The following DMD variants were observed in gnomAD, a reference collection of about 807,000 sequenced individuals.
DMD encodes the protein mutant dystrophin.
DMD carries 63 observed loss-of-function variants against 330.1 expected under a neutral mutation model. That is an observed-to-expected ratio of 0.19 (90% CI 0.16 to 0.24). The LOEUF is 0.24. Among genes scored for constraint, DMD ranks in the 10% least tolerant of loss-of-function variants. The probability of loss-of-function intolerance (pLI) is 1.00; values close to 1 mark genes in which losing one functional copy is unlikely to be tolerated. For missense variants in DMD, 3,344 were observed against 2,684.1 expected (o/e 1.25, Z -5.43); for synonymous variants, 1,223 against 959.8 (o/e 1.27, Z -5.07).
intron 44 of DMD, among the ~76,000 whole-genome samples, chrX:31,985,248 C>T (rs2095501511): frequency 8.9e-6 from 1 of 112,074 alleles, no homozygotes; most frequent in African/African-American, 3.2e-5. Context: ...CTTTTCATAA[C>T]TGAGAGCCAG....
At position 32,699,249 on chromosome X, in the gene DMD, T is replaced by G. The variant is rs758447768; in HGVS notation, c.694A>C (p.Ile232Leu). The change falls in exon 8 of 79, where the codon ATC (isoleucine) becomes CTC (leucine). Residue 232 changes from isoleucine to leucine, a missense_variant. By Grantham distance (5) the Ile-to-Leu change is conservative (BLOSUM62 2). Coordinates refer to ENST00000357033, the MANE Select transcript of DMD (RefSeq NM_004006.3). ...YPDKKSILMY[I>L]TSLFQVLPQQ... ...GGCAAAACTTGGAAGAGTGATGTGATGTACATTAAGATGGACTTCTTATCT... is the reference window on the plus strand; with the variant it reads ...GGCAAAACTTGGAAGAGTGATGTGAGGTACATTAAGATGGACTTCTTATCT... 3 of 1,209,618 alleles carry G rather than the reference T, an allele frequency of 2.5e-6. No individual in the cohort carries two copies. The highest frequency in any genetic ancestry group is 3.4e-6 in the Non-Finnish European group (3 of 893,527).
At chrX:31,902,943 C>T (rs17341045) in intron 47 of DMD, among the ~76,000 whole-genome samples, 2,114 of 111,100 alleles carry the variant, frequency 0.019, 63 homozygotes, top group East Asian at 0.18. Flanking sequence ...AGCAACTCTG[C>T]GGCTAATACA....
chrX:32,851,322 C>T (rs1411437510), intron 2 of DMD, among the ~76,000 whole-genome samples: 2 of 112,036 alleles, frequency 1.8e-5, no homozygotes, highest in East Asian at 5.6e-4. Context: ...CTTTGTGAAT[C>T]CAGCCACATA....
At chrX:32,836,177 G>A (rs1011608864) in intron 4 of DMD, among the ~76,000 whole-genome samples, 10 of 103,267 alleles carry the variant, frequency 9.7e-5, no homozygotes, top group Non-Finnish European at 1.8e-4. Context: ...AATTACAGGC[G>A]CCAGCCACCA....
At chrX:31,943,268 G>C (rs775774421) in intron 45 of DMD, among the ~76,000 whole-genome samples, 1 of 112,078 alleles carries the variant, frequency 8.9e-6, no homozygotes, top group Admixed American at 9.5e-5. Flanking sequence ...TTAAAGATAC[G>C]AGAGTTCTGA....
intron 50 of DMD, among the ~76,000 whole-genome samples, chrX:31,815,730 C>A (rs763062480): frequency 1.3e-3 from 148 of 111,666 alleles, no homozygotes; most frequent in African/African-American, 4.7e-3. Flanking sequence ...CCTCCTTTCA[C>A]GAGATGAAGT....
At chrX:31,691,168 G>C (rs1379759887) in intron 52 of DMD, among the ~76,000 whole-genome samples, 4 of 110,870 alleles carry the variant, frequency 3.6e-5, no homozygotes, top group African/African-American at 1.3e-4. Context: ...TGGGAGGAGG[G>C]AGAGTCAAAG....
chrX:32,656,655 G>A (rs188281585), intron 9 of DMD, among the ~76,000 whole-genome samples: 1 of 111,527 alleles, frequency 9.0e-6, no homozygotes, highest in Non-Finnish European at 1.9e-5. Flanking sequence ...CTCAATGAAG[G>A]TTCCAGTCAT....
chrX:31,571,934 G>A (rs1251277106), intron 55 of DMD, among the ~76,000 whole-genome samples: 2 of 111,294 alleles, frequency 1.8e-5, no homozygotes, highest in Non-Finnish European at 3.8e-5. Context: ...GAAACCTTTA[G>A]GTGGCCAAGA....
At chrX:32,035,775 G>A (rs2095938721) in intron 44 of DMD, among the ~76,000 whole-genome samples, 2 of 111,313 alleles carry the variant, frequency 1.8e-5, no homozygotes, top group South Asian at 3.8e-4. Context: ...AGATAAAGTA[G>A]GAATGGGAGA....
chrX:31,764,020 C>A (rs1194079828), intron 51 of DMD, among the ~76,000 whole-genome samples: 1 of 110,768 alleles, frequency 9.0e-6, no homozygotes, highest in Admixed American at 9.7e-5. Context: ...AGGCTACAAG[C>A]CCACACCATC....
intron 55 of DMD, among the ~76,000 whole-genome samples, chrX:31,510,064 T>C (rs2071338720): frequency 8.9e-6 from 1 of 112,223 alleles, no homozygotes; most frequent in Non-Finnish European, 1.9e-5. Context: ...TAGGTCATGA[T>C]GGTGATACAG....
At chrX:32,777,906 C>T (rs919034278) in intron 7 of DMD, among the ~76,000 whole-genome samples, 2 of 112,259 alleles carry the variant, frequency 1.8e-5, no homozygotes, top group Non-Finnish European at 3.8e-5. Flanking sequence ...AGTGTGCGCA[C>T]GTCCATGTGT....
At chrX:31,266,816 A>G in intron 62 of DMD, 1 of 1,204,602 alleles carries the variant, frequency 8.3e-7, no homozygotes, top group Non-Finnish European at 1.1e-6. Context: ...TTACCCTTTG[A>G]GCTGTTCCCT....
intron 62 of DMD, among the ~76,000 whole-genome samples, chrX:31,292,889 A>C (rs2053809738): frequency 9.0e-6 from 1 of 111,087 alleles, no homozygotes; most frequent in African/African-American, 3.3e-5. Flanking sequence ...AGTTCAAATA[A>C]ACAGGCAAAA....
intron 34 of DMD, among the ~76,000 whole-genome samples, chrX:32,366,731 C>A: frequency 8.9e-6 from 1 of 112,015 alleles, no homozygotes; most frequent in Middle Eastern, 4.6e-3. Context: ...CACTCGAAAT[C>A]ACTTCTCATA....
At chrX:31,451,988 A>C (rs1036030483) in intron 59 of DMD, among the ~76,000 whole-genome samples, 1 of 110,413 alleles carries the variant, frequency 9.1e-6, no homozygotes, top group Non-Finnish European at 1.9e-5. Context: ...GGGCATGATC[A>C]CTTTTGACGA....
rs7876639 is a variant in DMD at position 32,552,586 on chromosome X, C to T, written c.1993-7252G>A. 2.3e-3 allele frequency among the ~76,000 whole-genome samples: 253 copies of T among 111,783 alleles called. 2 individuals carry two copies. Among genetic ancestry groups the T allele is most frequent in the African/African-American group, 8.1e-3 (248 of 30,798 alleles). ...AATTGAAAACTGGGACCTAATTAAA[C>T]TAAAGAACTTCTACACAACAAAAGA... On this transcript the variant is annotated intron_variant, in intron 16 of 78. Transcript: ENST00000357033.
At chrX:32,788,897 A>G (rs965743734) in intron 7 of DMD, among the ~76,000 whole-genome samples, 12 of 112,021 alleles carry the variant, frequency 1.1e-4, no homozygotes, top group Non-Finnish European at 5.6e-5. Flanking sequence ...AGACATTTTT[A>G]TTGGCTGCAA....
Sources: gnomAD v4.1 joint callset for allele counts (sites outside exome capture counted in the v4.1 genomes callset) on GRCh38, gnomAD v4.1.1 for gene constraint, MANE v1.5 for transcripts, NCBI Gene and HGNC (gene_info 2026-07-23, HGNC 2026-07-21) for gene names.